Variants in ROCK1 observed in about 807,000 individuals in gnomAD.
ROCK1 encodes rho-associated protein kinase 1.
In ROCK1, 36 loss-of-function variants were observed where a neutral mutation model predicts 196.8. The ratio of observed to expected loss-of-function variants is 0.18; its 90% CI spans 0.14 to 0.24. The LOEUF (loss-of-function observed/expected upper bound fraction) is 0.24, where lower values mean the gene tolerates loss of function less well. Ranked by LOEUF, ROCK1 falls within the 10% of genes least tolerant of loss-of-function variation. The pLI is 1.00. For synonymous variants in ROCK1, 443 were observed against 515.9 expected (o/e 0.86, Z 1.91); for missense variants, 920 against 1,562.0 (o/e 0.59, Z 6.93).
chr18:21,049,317 T>C (rs1826357321), intron 3 of ROCK1, 88 bp from the exon 4 acceptor site: 2 of 1,010,608 alleles, frequency 2.0e-6, no homozygotes, highest in Non-Finnish European at 2.7e-6. Context: ...GTGCTTTTAA[T>C]ACTTGCTAAA....
At chr18:20,981,570 T>C (rs1388182818) in intron 21 of ROCK1, among the ~76,000 whole-genome samples, 2 of 152,182 alleles carry the variant, frequency 1.3e-5, no homozygotes, top group African/African-American at 4.8e-5. Context: ...AGTTACAGAG[T>C]GAACTTCCAG....
rs112883134 is a variant in ROCK1 at position 21,110,938 on chromosome 18, T to C, written c.-28A>G. The C allele has an allele frequency of 1.3e-6, 2 of 1,571,684 alleles. No individual in the cohort carries two copies. Among genetic ancestry groups the C allele is most frequent in the Admixed American group, 1.7e-5 (1 of 59,556 alleles). On this transcript the variant is annotated 5_prime_UTR_variant, in exon 1 of 33. Coordinates refer to ENST00000399799, the MANE Select transcript of ROCK1 (RefSeq NM_005406.3). ...TGCTGCTGCTGTGACAATGCCCTCT[T>C]ACCAGCACCAGCAGCGGAAAGCAAT...
chr18:20,987,114 G>A lies in ROCK1; in HGVS notation c.2144-4C>T. 6.2e-7 allele frequency: 1 copy of A among 1,608,190 alleles called. No individual in the cohort carries two copies. On this transcript the variant is annotated splice_region_variant and splice_polypyrimidine_tract_variant and intron_variant, in intron 18 of 32. Transcript: ENST00000399799. ...TCTTTCAGCTTTTTTTCCATCTCTG[G>A]GAAAGCAAAAAGTTACAAACATACA...
chr18:21,101,391 G>A (rs1488655035), intron 1 of ROCK1, among the ~76,000 whole-genome samples: 2 of 152,132 alleles, frequency 1.3e-5, no homozygotes, highest in Admixed American at 6.6e-5. Context: ...TACAGGCCAG[G>A]CAGACATTAT....
chr18:21,050,576 G>T (rs1266397025), intron 2 of ROCK1, among the ~76,000 whole-genome samples: 6 of 152,018 alleles, frequency 3.9e-5, no homozygotes, highest in African/African-American at 7.2e-5. Context: ...ATCCACATGG[G>T]TCAACACTGG....
chr18:20,975,248 A>G (rs2035468946), intron 22 of ROCK1, among the ~76,000 whole-genome samples: 1 of 152,210 alleles, frequency 6.6e-6, no homozygotes, highest in South Asian at 2.1e-4. Context: ...TAAAAAGCAT[A>G]TTCAGGGAAG....
chr18:20,954,647 T>C (rs893391723), intron 31 of ROCK1, 136 bp downstream of exon 31: 6 of 804,932 alleles, frequency 7.5e-6, no homozygotes, highest in African/African-American at 5.2e-5. Flanking sequence ...TAGCTGCATA[T>C]TGCCCCACCA....
At chr18:20,966,218 T>A (rs1001811209) in intron 27 of ROCK1, among the ~76,000 whole-genome samples, 6 of 152,210 alleles carry the variant, frequency 3.9e-5, no homozygotes, top group African/African-American at 1.2e-4. Context: ...ACTTATAGTA[T>A]GTGTATTTCT....
In ROCK1 at chr18:20,960,148, G is replaced by A. The variant is rs747426541; in HGVS notation, c.3411C>T (p.Gly1137=). The A allele has an allele frequency of 4.6e-5, 74 of 1,594,182 alleles. 1 individual carries two copies. In the South Asian group the frequency reaches 8.1e-4, roughly 17 times the overall value. The change falls in exon 28 of 33, where the codon GGC becomes GGT. Residue 1137 remains glycine, a synonymous_variant. Transcript: ENST00000399799. ...VPNRGNIKRY[G]WKKQYVVVSS... ...AGGTATATGGTACCTGTTTCTTCCAGCCATATCGTTTGATATTTCCTCTAT... is the reference window on the plus strand; with the variant it reads ...AGGTATATGGTACCTGTTTCTTCCAACCATATCGTTTGATATTTCCTCTAT...
intron 27 of ROCK1, among the ~76,000 whole-genome samples, chr18:20,964,868 T>C (rs1244307950): frequency 6.6e-6 from 1 of 152,206 alleles, no homozygotes; most frequent in African/African-American, 2.4e-5. Context: ...TTAGCCTTTC[T>C]GAATCAGCCA....
intron 13 of ROCK1, among the ~76,000 whole-genome samples, chr18:21,014,271 A>G (rs1467165624): frequency 6.6e-6 from 1 of 152,122 alleles, no homozygotes; most frequent in Non-Finnish European, 1.5e-5. Context: ...TCTAGGATAC[A>G]TGCAGCAAAA....
chr18:20,974,651 C>T lies in ROCK1; in HGVS notation c.2655-4138G>A, dbSNP rs144949782. Among the ~76,000 whole-genome samples, 12 of 152,294 alleles carry T rather than the reference C, an allele frequency of 7.9e-5. No individual in the cohort carries two copies. The East Asian group carries it at 2.1e-3, about 27-fold the overall frequency. ...ACTAATATTTAAGGTCAATCTCTCA[C>T]CCTTATTCTCCTACCTCTTAAAAGA... On this transcript the variant is annotated intron_variant, in intron 22 of 32. Coordinates refer to ENST00000399799, the MANE Select transcript of ROCK1 (RefSeq NM_005406.3).
chr18:21,078,917 A>T (rs2036459044), intron 1 of ROCK1, among the ~76,000 whole-genome samples: 1 of 152,080 alleles, frequency 6.6e-6, no homozygotes, highest in Non-Finnish European at 1.5e-5. Context: ...TTGCTTCTGT[A>T]GCTTTCTTCT....
intron 12 of ROCK1, among the ~76,000 whole-genome samples, chr18:21,015,816 TAA>T (rs879917536): frequency 1.4e-5 from 2 of 140,756 alleles, no homozygotes; most frequent in Admixed American, 7.1e-5. Context: ...TACTAAAAAT[TAA>T]AAAAAAAAAA....
At chr18:21,023,395 G>A (rs533648159) in intron 11 of ROCK1, among the ~76,000 whole-genome samples, 7 of 152,074 alleles carry the variant, frequency 4.6e-5, no homozygotes, top group Non-Finnish European at 1.0e-4. Flanking sequence ...CTGTCAATCT[G>A]TGTAACAATT....
Position 21,111,754 on chromosome 18 carries a change from T to C in ROCK1, c.-844A>G. ...GCCTGGGGGGTGGGGCGAGGGGGGCTGAGAGGGACTAATATGTCCGCCTTC... is the reference window on the plus strand; with the variant it reads ...GCCTGGGGGGTGGGGCGAGGGGGGCCGAGAGGGACTAATATGTCCGCCTTC... On this transcript the variant is annotated 5_prime_UTR_variant, in exon 1 of 33. Transcript: ENST00000399799. The surrounding 1 kb of genome is among the most constrained non-coding windows in gnomAD (Gnocchi z 4.2). The C allele has an allele frequency of 6.6e-6, 1 of 152,064 alleles. No homozygotes were observed. The highest frequency in any genetic ancestry group is 1.5e-5 in the Non-Finnish European group (1 of 68,094). 9.4% of individuals were successfully genotyped at this position (152,064 alleles called of 1,614,324 possible).
In ROCK1 at chr18:21,111,160, G is replaced by A; in HGVS notation, c.-250C>T. 1 of 556,928 alleles carries A rather than the reference G, an allele frequency of 1.8e-6. No individual in the cohort carries two copies. Among genetic ancestry groups the A allele is most frequent in the South Asian group, 2.3e-5 (1 of 43,748 alleles). 34.5% of individuals were successfully genotyped at this position (556,928 alleles called of 1,614,324 possible). On this transcript the variant is annotated 5_prime_UTR_variant, in exon 1 of 33. Transcript: ENST00000399799. The surrounding 1 kb of genome is among the most constrained non-coding windows in gnomAD (Gnocchi z 4.2). Reference sequence around the variant, plus strand: ...CGCATCCCACCCGGCAGCCCCTCACGACAGCCGACAGCGCCGTCGCCACCA... The same window carrying A: ...CGCATCCCACCCGGCAGCCCCTCACAACAGCCGACAGCGCCGTCGCCACCA...
chr18:21,099,963 A>C (rs1273002075), intron 1 of ROCK1, among the ~76,000 whole-genome samples: 1 of 151,148 alleles, frequency 6.6e-6, no homozygotes, highest in Non-Finnish European at 1.5e-5. Context: ...TTGAACCTGG[A>C]GGGAGGAGGT....
chr18:21,094,045 C>G (rs1439602510), intron 1 of ROCK1, among the ~76,000 whole-genome samples: 1 of 152,018 alleles, frequency 6.6e-6, no homozygotes, highest in African/African-American at 2.4e-5. Flanking sequence ...GCTCTATACT[C>G]AAGACTCAAA....
Sources: gnomAD v4.1 joint callset for allele counts (sites outside exome capture counted in the v4.1 genomes callset) on GRCh38, gnomAD v4.1.1 for gene constraint, Gnocchi (gnomAD v3.1) non-coding constraint, MANE v1.5 for transcripts, NCBI Gene and HGNC (gene_info 2026-07-23, HGNC 2026-07-21) for gene names.